The following COL22A1 variants were observed in gnomAD, a reference collection of about 807,000 sequenced individuals.
COL22A1 encodes the protein collagen type XXII alpha 1 chain.
COL22A1 carries 221 observed loss-of-function variants against 248.9 expected under a neutral mutation model. The ratio of observed to expected loss-of-function variants is 0.89; its 90% confidence interval spans 0.80 to 0.99. The LOEUF (loss-of-function observed/expected upper bound fraction) is 0.99, where lower values mean the gene tolerates loss of function less well. COL22A1 is among the 50% of genes least tolerant of loss of function. The pLI is 0.00. For missense variants in COL22A1, 2,240 were observed against 2,179.0 expected (o/e 1.03, Z -0.56); for synonymous variants, 891 against 793.4 (o/e 1.12, Z -2.07).
chr8:138,654,405 A>G (rs180998224), intron 45 of COL22A1, among the ~76,000 whole-genome samples: 2 of 152,338 alleles, frequency 1.3e-5, no homozygotes, highest in East Asian at 1.9e-4. Context: ...TAATTTTCCC[A>G]TCAAGGCATC....
chr8:138,894,844 C>T (rs541177798), intron 1 of COL22A1, among the ~76,000 whole-genome samples: 30 of 152,174 alleles, frequency 2.0e-4, no homozygotes, highest in African/African-American at 7.0e-4. Context: ...TTTCCTGTGA[C>T]TTTTATGGTA....
In COL22A1 at chr8:138,890,440, T is replaced by C. The variant is rs188848262; in HGVS notation, c.-72-7196A>G. Among the ~76,000 whole-genome samples, 39 of 152,256 alleles carry C rather than the reference T, an allele frequency of 2.6e-4. No individual in the cohort carries two copies. The East Asian group carries it at 6.6e-3, about 26-fold the overall frequency. The stretch of plus-strand genomic sequence containing the variant: ...AAGGAAGAGGTAAAATTATCTCTAT[T>C]TGCAGATGGCCTTATCTTTTTTTTT... On this transcript the variant is annotated intron_variant, in intron 1 of 64. Transcript: ENST00000303045.
chr8:138,869,005 T>A (rs954436570), intron 3 of COL22A1, among the ~76,000 whole-genome samples: 40 of 152,176 alleles, frequency 2.6e-4, no homozygotes, highest in African/African-American at 9.4e-4. Flanking sequence ...GTGCTGGGAT[T>A]ACAGGCGTGA....
intron 30 of COL22A1, among the ~76,000 whole-genome samples, chr8:138,706,726 A>G (rs544122362): frequency 6.6e-6 from 1 of 152,340 alleles, no homozygotes; most frequent in South Asian, 2.1e-4. Context: ...CAATTAAAAG[A>G]ACTAGAGAAG....
chr8:138,619,762 C>A (rs772601404), intron 52 of COL22A1, among the ~76,000 whole-genome samples: 1 of 151,946 alleles, frequency 6.6e-6, no homozygotes, highest in Non-Finnish European at 1.5e-5. Flanking sequence ...ATGCTTAGTA[C>A]CCCCCTTTCA....
chr8:138,698,817 C>A (rs976850948), intron 32 of COL22A1, among the ~76,000 whole-genome samples: 10 of 150,396 alleles, frequency 6.6e-5, no homozygotes, highest in Non-Finnish European at 1.3e-4. Flanking sequence ...GCAGTGAGTA[C>A]CCGCCCTGCG....
At chr8:138,750,764 A>G (rs1218380543) in intron 22 of COL22A1, among the ~76,000 whole-genome samples, 1 of 152,200 alleles carries the variant, frequency 6.6e-6, no homozygotes, top group Non-Finnish European at 1.5e-5. Context: ...TAACGGTTAC[A>G]GTTCAACAAA....
At chr8:138,724,540 G>T in intron 25 of COL22A1, 75 bp downstream of exon 25, 1 of 1,450,162 alleles carries the variant, frequency 6.9e-7, no homozygotes, top group Non-Finnish European at 9.6e-7. Flanking sequence ...TGGGCCAGCT[G>T]CAAGGGCTCA....
At chr8:138,666,718 A>G (rs145281673) in intron 41 of COL22A1, among the ~76,000 whole-genome samples, 2 of 152,326 alleles carry the variant, frequency 1.3e-5, no homozygotes, top group South Asian at 2.1e-4. Context: ...GAAATGTCAC[A>G]TCATTTGAGA....
intron 45 of COL22A1, 55 bp downstream of exon 45, chr8:138,655,842 C>G (rs1484661643): frequency 7.0e-7 from 1 of 1,424,150 alleles, no homozygotes; most frequent in Non-Finnish European, 9.9e-7. Flanking sequence ...ATCAAGATCT[C>G]CAATCCCGCC....
intron 10 of COL22A1, among the ~76,000 whole-genome samples, chr8:138,803,396 T>C (rs2131633300): frequency 6.6e-6 from 1 of 152,144 alleles, no homozygotes; most frequent in Non-Finnish European, 1.5e-5. Context: ...AAGTGTCCCA[T>C]CCAAGTACTA....
intron 40 of COL22A1, among the ~76,000 whole-genome samples, chr8:138,677,709 T>C (rs1825676029): frequency 6.6e-6 from 1 of 152,248 alleles, no homozygotes; most frequent in Non-Finnish European, 1.5e-5. Flanking sequence ...ATAAATGTCA[T>C]TATGTGTATA....
At chr8:138,643,706 A>T (rs114454510) in intron 47 of COL22A1, among the ~76,000 whole-genome samples, 2,667 of 149,124 alleles carry the variant, frequency 0.018, 47 homozygotes, top group Middle Eastern at 0.035. Flanking sequence ...TATATATTTT[A>T]AAAAATTTTT....
intron 44 of COL22A1, among the ~76,000 whole-genome samples, chr8:138,656,164 TCTGA>T (rs1329696159): frequency 1.3e-5 from 2 of 152,306 alleles, no homozygotes; most frequent in South Asian, 2.1e-4. Flanking sequence ...CCTAACCAAG[TCTGA>T]CTGACTTTGG....
chr8:138,821,494 A>G, intron 6 of COL22A1, 83 bp from the exon 7 acceptor site: 1 of 1,379,868 alleles, frequency 7.2e-7, no homozygotes, highest in Non-Finnish European at 1.0e-6. Context: ...GTTCAGAGTC[A>G]GACCTGGCAA....
Position 138,860,171 on chromosome 8 carries a change from G to A in COL22A1, c.659-16013C>T, listed in dbSNP as rs570785192. 1.5e-3 allele frequency among the ~76,000 whole-genome samples: 227 copies of A among 151,828 alleles called. 1 individual carries two copies. The highest frequency in any genetic ancestry group is 5.2e-3 in the African/African-American group (216 of 41,354). ...GCTTCCTGCTGGCTCACATTCCTCCGTCAGACTTCTACACATCACAAGACC... is the reference window on the plus strand; with the variant it reads ...GCTTCCTGCTGGCTCACATTCCTCCATCAGACTTCTACACATCACAAGACC... On this transcript the variant is annotated intron_variant, in intron 3 of 64. Transcript: ENST00000303045.
chr8:138,846,414 GCA>G (rs1201825750), intron 3 of COL22A1, among the ~76,000 whole-genome samples: 1 of 152,146 alleles, frequency 6.6e-6, no homozygotes, highest in Non-Finnish European at 1.5e-5. Context: ...GGAGGACCAC[GCA>G]CACAGAAATG....
chr8:138,843,572 T>C (rs1276914253), intron 4 of COL22A1, among the ~76,000 whole-genome samples: 1 of 152,138 alleles, frequency 6.6e-6, no homozygotes, highest in Non-Finnish European at 1.5e-5. Context: ...ACCTCGGCCA[T>C]ACCCCGCACC....
chr8:138,610,195 C>A (rs949299882), intron 56 of COL22A1, among the ~76,000 whole-genome samples: 11 of 152,200 alleles, frequency 7.2e-5, no homozygotes, highest in African/African-American at 2.7e-4. Context: ...AGAAATCACA[C>A]CTGTCTCACA....
Sources: gnomAD v4.1 joint callset for allele counts (sites outside exome capture counted in the v4.1 genomes callset) on GRCh38, gnomAD v4.1.1 for gene constraint, MANE v1.5 for transcripts, NCBI Gene and HGNC (gene_info 2026-07-23, HGNC 2026-07-21) for gene names.